Variants in TOX observed in about 807,000 individuals in gnomAD.
TOX encodes the protein thymocyte selection-associated high mobility group box protein TOX.
In TOX, 11 loss-of-function variants were observed where a neutral mutation model predicts 53.7. The ratio of observed to expected loss-of-function variants is 0.20; its 90% CI spans 0.13 to 0.34. The LOEUF (loss-of-function observed/expected upper bound fraction) is 0.34, where lower values mean the gene tolerates loss of function less well. Ranked by LOEUF, TOX falls within the 10% of genes least tolerant of loss-of-function variation. TOX has a pLI of 1.00. For synonymous variants in TOX, 225 were observed against 245.3 expected (o/e 0.92, Z 0.77); for missense variants, 570 against 664.6 (o/e 0.86, Z 1.56).
chr8:59,099,124 G>A (rs754300621), intron 1 of TOX, among the ~76,000 whole-genome samples: 2 of 152,106 alleles, frequency 1.3e-5, no homozygotes, highest in Admixed American at 6.6e-5. Flanking sequence ...ATGACACTCC[G>A]CTTGCTTTTA....
chr8:58,860,609 G>A (rs577789777), intron 3 of TOX, among the ~76,000 whole-genome samples: 1 of 152,192 alleles, frequency 6.6e-6, no homozygotes, highest in African/African-American at 2.4e-5. Context: ...GACCAGTTCT[G>A]GTCCCTGGTG....
At chr8:58,973,362 T>A (rs1159226414) in intron 1 of TOX, among the ~76,000 whole-genome samples, 1 of 152,240 alleles carries the variant, frequency 6.6e-6, no homozygotes, top group African/African-American at 2.4e-5. Context: ...ACTTTCCAAC[T>A]TTTATGTAGG....
intron 1 of TOX, among the ~76,000 whole-genome samples, chr8:59,103,756 A>G (rs544575174): frequency 1.9e-4 from 29 of 152,268 alleles, no homozygotes; most frequent in African/African-American, 6.7e-4. Flanking sequence ...ACTTTAATAT[A>G]CTCTCCAAAT....
chr8:59,068,753 G>C (rs1804140588), intron 1 of TOX, among the ~76,000 whole-genome samples: 1 of 152,162 alleles, frequency 6.6e-6, no homozygotes, highest in African/African-American at 2.4e-5. Context: ...CTCCAGGCAG[G>C]TTGATTGTGG....
intron 1 of TOX, among the ~76,000 whole-genome samples, chr8:59,030,886 G>A (rs758979448): frequency 1.3e-5 from 2 of 152,140 alleles, no homozygotes; most frequent in Non-Finnish European, 2.9e-5. Flanking sequence ...TCCACATACT[G>A]AGTCATTGTG....
At chr8:58,963,342 G>GATA (rs1430309337) in intron 1 of TOX, among the ~76,000 whole-genome samples, 3 of 151,886 alleles carry the variant, frequency 2.0e-5, no homozygotes, top group African/African-American at 2.4e-5. Flanking sequence ...TAGATAGATA[G>GATA]GTAGATAGAT....
intron 1 of TOX, among the ~76,000 whole-genome samples, chr8:59,044,565 A>T (rs1438045309): frequency 6.6e-6 from 1 of 152,206 alleles, no homozygotes; most frequent in Non-Finnish European, 1.5e-5. Flanking sequence ...TGTAAAAGAA[A>T]TTTTTATGAT....
At chr8:59,094,094 T>C (rs1267636855) in intron 1 of TOX, among the ~76,000 whole-genome samples, 2 of 152,154 alleles carry the variant, frequency 1.3e-5, no homozygotes, top group East Asian at 3.8e-4. Context: ...AAAAATTACA[T>C]GTTTTACAGA....
intron 1 of TOX, among the ~76,000 whole-genome samples, chr8:59,075,262 T>C (rs1238458535): frequency 6.6e-6 from 1 of 152,106 alleles, no homozygotes; most frequent in African/African-American, 2.4e-5. Flanking sequence ...TCCAAAAATA[T>C]GGTGCCTTGA....
intron 1 of TOX, among the ~76,000 whole-genome samples, chr8:58,971,006 T>A (rs1484334282): frequency 6.6e-6 from 1 of 152,222 alleles, no homozygotes; most frequent in Admixed American, 6.5e-5. Context: ...TCAGTCACTC[T>A]AGTTTAAATA....
At chr8:59,037,165 T>TC (rs936774695) in intron 1 of TOX, among the ~76,000 whole-genome samples, 4 of 133,254 alleles carry the variant, frequency 3.0e-5, no homozygotes, top group African/African-American at 1.3e-4. Flanking sequence ...GTTTCCAAGC[T>TC]CCTTTTTTTT....
intron 1 of TOX, among the ~76,000 whole-genome samples, chr8:59,003,015 A>C (rs1481482701): frequency 6.6e-6 from 1 of 152,150 alleles, no homozygotes; most frequent in Non-Finnish European, 1.5e-5. Flanking sequence ...ATGTTTTTAT[A>C]TTTTTAACTT....
intron 1 of TOX, among the ~76,000 whole-genome samples, chr8:59,096,673 T>C (rs1204309766): frequency 6.6e-6 from 1 of 152,198 alleles, no homozygotes; most frequent in African/African-American, 2.4e-5. Context: ...AAAAGATCAC[T>C]AGAGGCACAG....
At chr8:59,097,240 C>A (rs1804728361) in intron 1 of TOX, among the ~76,000 whole-genome samples, 1 of 152,116 alleles carries the variant, frequency 6.6e-6, no homozygotes, top group Non-Finnish European at 1.5e-5. Context: ...ACAAACAATG[C>A]CACCAACTTC....
chr8:58,811,705 A>G (rs575168981), intron 7 of TOX, among the ~76,000 whole-genome samples: 55 of 152,316 alleles, frequency 3.6e-4, no homozygotes, highest in African/African-American at 9.1e-4. Flanking sequence ...GATATCATAC[A>G]AAGATTTTTT....
intron 4 of TOX, among the ~76,000 whole-genome samples, chr8:58,842,662 TAGG>T (rs938324479): frequency 2.0e-5 from 3 of 152,240 alleles, no homozygotes; most frequent in Admixed American, 6.5e-5. Flanking sequence ...CCATAACAGG[TAGG>T]AGGACAGTCA....
chr8:59,098,035 C>T (rs1038075428), intron 1 of TOX, among the ~76,000 whole-genome samples: 4 of 151,088 alleles, frequency 2.6e-5, no homozygotes, highest in Non-Finnish European at 4.4e-5. Context: ...GTAACCAGCA[C>T]AAATATGATC....
intron 1 of TOX, among the ~76,000 whole-genome samples, chr8:59,019,044 A>G (rs1461994193): frequency 6.6e-6 from 1 of 152,044 alleles, no homozygotes; most frequent in African/African-American, 2.4e-5. Context: ...TGAGTATAAG[A>G]TTTTGTATTG....
At chr8:58,905,530 C>T (rs1811798547) in intron 3 of TOX, among the ~76,000 whole-genome samples, 1 of 152,204 alleles carries the variant, frequency 6.6e-6, no homozygotes, top group African/African-American at 2.4e-5. Flanking sequence ...ATGGTCATTA[C>T]CAGTAAACTG....
Sources: allele counts gnomAD v4.1 joint callset (sites outside exome capture counted in the v4.1 genomes callset), GRCh38; gene constraint gnomAD v4.1.1; transcripts MANE v1.5; gene names NCBI Gene and HGNC (gene_info 2026-07-23, HGNC 2026-07-21).